TRPM4: variants seen among roughly 807,000 people sequenced by gnomAD.
The protein encoded by TRPM4 is transient receptor potential cation channel subfamily M member 4, also known as calcium-activated non-selective cation channel 1.
In TRPM4, 124 loss-of-function variants were observed where a neutral mutation model predicts 135.6. The observed-to-expected ratio is 0.91, with a 90% CI of 0.79 to 1.06. TRPM4 has a LOEUF of 1.06. TRPM4 is among the 50% of genes least tolerant of loss of function. The probability of loss-of-function intolerance (pLI) is 0.00; values close to 1 mark genes in which losing one functional copy is unlikely to be tolerated. For missense variants in TRPM4, 1,658 were observed against 1,671.4 expected, an observed-to-expected ratio of 0.99 and a Z score of 0.14; for synonymous variants, 745 against 705.6, an observed-to-expected ratio of 1.06 and a Z score of -0.88.
intron 16 of TRPM4, among the ~76,000 whole-genome samples, chr19:49,194,430 A>G (rs954698299): frequency 2.0e-5 from 3 of 152,046 alleles, no homozygotes; most frequent in African/African-American, 7.2e-5. Context: ...TGTTTTGTAG[A>G]GATGGGGTTT....
intron 5 of TRPM4, 35 bp downstream of exon 5, chr19:49,168,458 G>T (rs776237070): frequency 3.7e-6 from 6 of 1,613,856 alleles, no homozygotes; most frequent in African/African-American, 1.3e-5. Flanking sequence ...GGGGCTGGAG[G>T]CCTGGACTCC....
rs1285802194 is a variant in TRPM4 at position 49,211,747 on chromosome 19, G to A, written c.*249G>A. On this transcript the variant is annotated 3_prime_UTR_variant, in exon 25 of 25. Transcript: ENST00000252826. The surrounding 1 kb of genome is among the most constrained non-coding windows in gnomAD (Gnocchi z 4.8). ...GATCCCGGGCCGTTATCCATCTGGA[G>A]GCTGCAGGGTCCTTGGGGTAACAGG... 8.3e-6 allele frequency: 5 copies of A among 599,414 alleles called. No homozygotes were observed. The highest frequency in any genetic ancestry group is 7.8e-5 in the South Asian group (4 of 51,286). The allele number at this position is 599,414 out of a possible 1,614,324, so 37.1% of individuals were successfully genotyped here. A position where few individuals can be genotyped will look rare whatever the true frequency, so the allele number is the denominator to read the frequency against.
chr19:49,178,665 G>A (rs546858656), intron 9 of TRPM4, among the ~76,000 whole-genome samples: 1 of 152,248 alleles, frequency 6.6e-6, no homozygotes, highest in South Asian at 2.1e-4. Flanking sequence ...TGAGTCTGAA[G>A]GGACAAGGTG....
chr19:49,162,012 G>A (rs1355512165), intron 2 of TRPM4, among the ~76,000 whole-genome samples: 1 of 152,106 alleles, frequency 6.6e-6, no homozygotes, highest in Non-Finnish European at 1.5e-5. Flanking sequence ...GCTTGCACTG[G>A]GAACACCTAC....
intron 16 of TRPM4, among the ~76,000 whole-genome samples, chr19:49,195,403 C>T (rs971966861): frequency 6.6e-6 from 1 of 151,936 alleles, no homozygotes; most frequent in African/African-American, 2.4e-5. Context: ...CGGAGTTTTG[C>T]TCTCGTTGCC....
intron 20 of TRPM4, among the ~76,000 whole-genome samples, chr19:49,204,115 A>C (rs921758175): frequency 6.6e-6 from 1 of 151,896 alleles, no homozygotes; most frequent in Admixed American, 6.6e-5. Flanking sequence ...GCGAGACTCC[A>C]TCTCAAAAAA....
intron 17 of TRPM4, 29 bp from the exon 18 acceptor site, chr19:49,200,271 G>C: frequency 6.2e-7 from 1 of 1,614,044 alleles, no homozygotes; most frequent in South Asian, 1.1e-5. Flanking sequence ...TGTGACACTT[G>C]ACCCTTGTGG....
chr19:49,204,386 G>C (rs886406351), intron 20 of TRPM4, among the ~76,000 whole-genome samples: 12 of 152,162 alleles, frequency 7.9e-5, no homozygotes, highest in Non-Finnish European at 1.6e-4. Context: ...CAGTGTATGA[G>C]GGTTTTAATT....
chr19:49,202,717 G>T (rs909747673), intron 20 of TRPM4, among the ~76,000 whole-genome samples: 1 of 151,738 alleles, frequency 6.6e-6, no homozygotes, highest in Non-Finnish European at 1.5e-5. Flanking sequence ...TTTTGTATTT[G>T]TAGTAGAGAT....
intron 16 of TRPM4, among the ~76,000 whole-genome samples, chr19:49,195,659 C>T (rs4588094): frequency 4.0e-5 from 6 of 150,672 alleles, no homozygotes; most frequent in African/African-American, 9.8e-5. Flanking sequence ...CGTGAGCTAG[C>T]GCGCCCAGCC....
intron 9 of TRPM4, among the ~76,000 whole-genome samples, chr19:49,173,383 C>T (rs1031126586): frequency 6.6e-6 from 1 of 152,250 alleles, no homozygotes; most frequent in Non-Finnish European, 1.5e-5. Flanking sequence ...CTCATTCCTC[C>T]ATCCACCCAT....
chr19:49,188,614 G>A lies in TRPM4; in HGVS notation c.1744-27G>A, dbSNP rs182984782. 3.5e-3 allele frequency: 5,704 copies of A among 1,614,002 alleles called. 19 individuals are homozygous for A. Among genetic ancestry groups the A allele is most frequent in the Non-Finnish European group, 4.2e-3 (4,941 of 1,180,000 alleles). On this transcript the variant is annotated intron_variant, in intron 12 of 24. Transcript: ENST00000252826. ...TCCCCCTCTATGAACCCTCTTTGACGCATCCGTGCCCTCTTTGTCTCTCCA... is the reference window on the plus strand; with the variant it reads ...TCCCCCTCTATGAACCCTCTTTGACACATCCGTGCCCTCTTTGTCTCTCCA...
intron 20 of TRPM4, among the ~76,000 whole-genome samples, chr19:49,206,499 G>A (rs1323792764): frequency 6.6e-6 from 1 of 150,860 alleles, no homozygotes; most frequent in Non-Finnish European, 1.5e-5. Flanking sequence ...GAGTGCAATG[G>A]CGCGATCTCA....
chr19:49,175,067 CTTTTT>C (rs772062913), intron 9 of TRPM4, among the ~76,000 whole-genome samples: 116 of 77,574 alleles, frequency 1.5e-3, no homozygotes, highest in South Asian at 4.0e-4. Flanking sequence ...TCATGCCTGG[CTTTTT>C]TTTTTTTTTT....
Position 49,200,638 on chromosome 19 carries a change from T to A in TRPM4, c.2806T>A (p.Phe936Ile), listed in dbSNP as rs1421769946. The change falls in exon 19 of 25, where the codon TTC (phenylalanine) becomes ATC (isoleucine). Residue 936 changes from phenylalanine (F) to isoleucine (I), a missense_variant. Phe to Ile is a conservative substitution (Grantham distance 21). Transcript: ENST00000252826. ...MMKDVFFFLF[F>I]LGVWLVAYGV... is the part of the protein sequence containing the mutation. ...GAAGGACGTGTTCTTCTTCCTCTTC[T>A]TCCTCGGCGTGTGGCTGGTAGCCTA... The A allele has an allele frequency of 6.2e-7, 1 of 1,613,780 alleles. No homozygotes were observed. Among genetic ancestry groups the A allele is most frequent in the Non-Finnish European group, 8.5e-7 (1 of 1,179,996 alleles).
intron 2 of TRPM4, chr19:49,158,513 G>A: frequency 5.5e-6 from 3 of 545,356 alleles, no homozygotes; most frequent in Non-Finnish European, 9.8e-6. Context: ...CCTCCCCGAT[G>A]TCTCTTCTAT....
chr19:49,182,173 T>TACCTATCCATTCATCCATCCATCC (rs1967974026), intron 10 of TRPM4, among the ~76,000 whole-genome samples: 12 of 125,166 alleles, frequency 9.6e-5, no homozygotes, highest in East Asian at 2.5e-4. Context: ...TCCATCCATC[T>TACCTATCCATTCATCCATCCATCC]ACCTATCCAT....
Position 49,162,421 on chromosome 19 carries a change from C to T in TRPM4, c.93-3620C>T, listed in dbSNP as rs145927098. Among the ~76,000 whole-genome samples the T allele has an allele frequency of 8.7e-4, 133 of 152,214 alleles. 2 individuals carry two copies. In the East Asian group the frequency reaches 0.023, roughly 26 times the overall value. On this transcript the variant is annotated intron_variant, in intron 2 of 24. Transcript: ENST00000252826. ...AGGTACTGTGGCACATGCCTGTAAT[C>T]CCAGCTACTCAGGATGCTGAGGCAC...
At chr19:49,207,893 C>T (rs904857519) in intron 20 of TRPM4, among the ~76,000 whole-genome samples, 4 of 151,922 alleles carry the variant, frequency 2.6e-5, no homozygotes, top group African/African-American at 4.8e-5. Context: ...ACCACCAAGA[C>T]GTGGAGACCG....
Sources: gnomAD v4.1 joint callset for allele counts (sites outside exome capture counted in the v4.1 genomes callset) on GRCh38, gnomAD v4.1.1 for gene constraint, Gnocchi (gnomAD v3.1) non-coding constraint, MANE v1.5 for transcripts, NCBI Gene and HGNC (gene_info 2026-07-23, HGNC 2026-07-21) for gene names.